The following ANK1 variants were observed in gnomAD, a reference collection of about 807,000 sequenced individuals.
ANK1 encodes the protein ankyrin 1, also known as ankyrin-1.
Under a neutral mutation model 210.4 loss-of-function variants are expected in ANK1, and 51 were observed. That is an observed-to-expected ratio of 0.24 (90% CI 0.19 to 0.31). The LOEUF (loss-of-function observed/expected upper bound fraction) is 0.31, where lower values mean the gene tolerates loss of function less well. Ranked by LOEUF, ANK1 falls within the 10% of genes least tolerant of loss-of-function variation. ANK1 has a pLI of 1.00. For synonymous variants in ANK1, 967 were observed against 1,025.9 expected (o/e 0.94, Z 1.10); for missense variants, 2,051 against 2,504.4 (o/e 0.82, Z 3.86).
chr8:41,724,412 C>T, intron 7 of ANK1, 44 bp downstream of exon 7: 1 of 1,502,446 alleles, frequency 6.7e-7, no homozygotes, highest in Non-Finnish European at 9.0e-7. Context: ...CAACTGCCAG[C>T]CCCAAGCCCC....
chr8:41,709,038 A>G, intron 16 of ANK1, 63 bp from the exon 17 acceptor site: 1 of 1,596,172 alleles, frequency 6.3e-7, no homozygotes, highest in South Asian at 1.1e-5. Context: ...ATATCAACAC[A>G]CAAGCAGGGG....
intron 1 of ANK1, among the ~76,000 whole-genome samples, chr8:41,842,635 T>A (rs200551066): frequency 1.3e-5 from 2 of 152,082 alleles, no homozygotes; most frequent in East Asian, 3.9e-4. Context: ...CCTTGCGTCA[T>A]TGTGGTGGAG....
intron 1 of ANK1, among the ~76,000 whole-genome samples, chr8:41,760,955 A>G (rs1191824343): frequency 6.6e-6 from 1 of 150,548 alleles, no homozygotes. Context: ...AGATATGTCC[A>G]CACTCTTATC....
chr8:41,792,512 A>T (rs1334667740), intron 1 of ANK1, among the ~76,000 whole-genome samples: 1 of 152,200 alleles, frequency 6.6e-6, no homozygotes, highest in Non-Finnish European at 1.5e-5. Context: ...CACTTAACAA[A>T]TCTATTTTTC....
chr8:41,859,373 C>G lies in ANK1; in HGVS notation c.126+36982G>C, dbSNP rs146295784. On this transcript the variant is annotated intron_variant, in intron 1 of 42. Transcript: ENST00000265709. Reference sequence around the variant, plus strand: ...TTGTTTGTTTGTTTGTTTTTTGACACTCTCGCTCTGTCGCCCAGGCTGGAA... The same window carrying G: ...TTGTTTGTTTGTTTGTTTTTTGACAGTCTCGCTCTGTCGCCCAGGCTGGAA... Among the ~76,000 whole-genome samples the G allele has an allele frequency of 7.5e-3, 1,144 of 152,244 alleles. 15 individuals carry two copies. The highest frequency in any genetic ancestry group is 0.026 in the African/African-American group (1,094 of 41,546).
At chr8:41,660,234 A>C (rs1233299017) in intron 42 of ANK1, among the ~76,000 whole-genome samples, 1 of 152,006 alleles carries the variant, frequency 6.6e-6, no homozygotes, top group Non-Finnish European at 1.5e-5. Flanking sequence ...TTTTTGCCCA[A>C]GTGCTGAGAT....
At chr8:41,748,464 T>C (rs1836727268) in intron 2 of ANK1, among the ~76,000 whole-genome samples, 1 of 152,138 alleles carries the variant, frequency 6.6e-6, no homozygotes, top group Non-Finnish European at 1.5e-5. Context: ...TTGACCACCA[T>C]CCTCACCCTC....
At chr8:41,672,971 C>A in intron 37 of ANK1, 59 bp from the exon 38 acceptor site, 1 of 1,495,622 alleles carries the variant, frequency 6.7e-7, no homozygotes, top group Non-Finnish European at 9.1e-7. Flanking sequence ...CACCCATTCA[C>A]GTGCAGGTCC....
intron 1 of ANK1, among the ~76,000 whole-genome samples, chr8:41,780,512 C>T (rs983393677): frequency 1.3e-5 from 2 of 152,208 alleles, no homozygotes; most frequent in South Asian, 2.1e-4. Flanking sequence ...GCCCACCCAG[C>T]GGGTGCAGAG....
At chr8:41,695,509 T>G (rs1183952878) in intron 26 of ANK1, among the ~76,000 whole-genome samples, 178 bp from the exon 27 acceptor site, 1 of 152,034 alleles carries the variant, frequency 6.6e-6, no homozygotes, top group Non-Finnish European at 1.5e-5. Flanking sequence ...TCCCCAGGGC[T>G]TCCCATGGCC....
rs567797795 is a variant in ANK1 at position 41,732,721 on chromosome 8, TTTTA to T, written c.228+1246_228+1249del. ...AGCCACCACGTCCAGCCTTGTTTCG[TTTTA>T]TTTATTTATTTATTTATTTTTGAGA... is the stretch of plus-strand genomic sequence containing the variant. On this transcript the variant is annotated intron_variant, in intron 3 of 42. Transcript: ENST00000289734. 1.1e-3 allele frequency among the ~76,000 whole-genome samples: 159 copies of T among 150,954 alleles called. 1 individual carries two copies. The highest frequency in any genetic ancestry group is 4.1e-4 in the Non-Finnish European group (28 of 67,850).
intron 42 of ANK1, among the ~76,000 whole-genome samples, chr8:41,658,701 T>A (rs923663402): frequency 1.3e-5 from 2 of 152,196 alleles, no homozygotes; most frequent in African/African-American, 2.4e-5. Flanking sequence ...GAGACGAGCC[T>A]GACCAACATG....
At chr8:41,674,597 T>C (rs550309953) in intron 37 of ANK1, among the ~76,000 whole-genome samples, 25 of 152,338 alleles carry the variant, frequency 1.6e-4, no homozygotes, top group Admixed American at 7.2e-4. Flanking sequence ...CAGAAAGACC[T>C]CAGGCACATT....
intron 17 of ANK1, among the ~76,000 whole-genome samples, chr8:41,706,556 G>A (rs894526438): frequency 1.3e-5 from 2 of 152,200 alleles, no homozygotes; most frequent in African/African-American, 2.4e-5. Flanking sequence ...ACAAACAAGT[G>A]GTGGACCAGA....
rs1554596984 is a variant in ANK1, at chr8:41,752,807, C to CCT, written c.129+5228_129+5229insAG. On this transcript the variant is annotated intron_variant, in intron 2 of 42. Coordinates refer to ENST00000289734, the MANE Select transcript of ANK1 (RefSeq NM_000037.4). ...TGCTGGGCACACACAGGCCCCCCCC[C>CCT]ACTGCACCGCTGGGCCCTCCGCCTG... is the stretch of plus-strand genomic sequence containing the variant. 3.7e-4 allele frequency among the ~76,000 whole-genome samples: 56 copies of CCT among 151,678 alleles called. 2 individuals carry two copies. The South Asian group carries it at 0.012, about 32-fold the overall frequency.
intron 1 of ANK1, among the ~76,000 whole-genome samples, chr8:41,882,629 G>A (rs1482258104): frequency 6.6e-6 from 1 of 152,162 alleles, no homozygotes; most frequent in Non-Finnish European, 1.5e-5. Flanking sequence ...GGAAGAAACT[G>A]GAACTTACCA....
At chr8:41,831,639 C>CAAA (rs143137281) in intron 1 of ANK1, among the ~76,000 whole-genome samples, 1 of 58,420 alleles carries the variant, frequency 1.7e-5, no homozygotes, top group African/African-American at 5.8e-5. Context: ...AAAAGTCTGT[C>CAAA]AAAAAAAAAA....
At chr8:41,662,463 T>C (rs1808734698) in intron 40 of ANK1, among the ~76,000 whole-genome samples, 1 of 152,240 alleles carries the variant, frequency 6.6e-6, no homozygotes, top group Non-Finnish European at 1.5e-5. Flanking sequence ...TGTCATTTCA[T>C]GACCAAGGTG....
At chr8:41,716,386 C>G (rs1048210327) in intron 13 of ANK1, among the ~76,000 whole-genome samples, 1 of 152,050 alleles carries the variant, frequency 6.6e-6, no homozygotes, top group Admixed American at 6.6e-5. Flanking sequence ...ATGCTGCTGT[C>G]GGGCTGCCTG....
Sources: allele counts gnomAD v4.1 joint callset (sites outside exome capture counted in the v4.1 genomes callset), GRCh38; gene constraint gnomAD v4.1.1; transcripts MANE v1.5; gene names NCBI Gene and HGNC (gene_info 2026-07-23, HGNC 2026-07-21).